RGS3: variants seen among roughly 807,000 people sequenced by gnomAD.
The protein encoded by RGS3 is regulator of G-protein signalling 3.
A neutral mutation model predicts 132.6 loss-of-function variants in RGS3; 80 were observed. That is an observed-to-expected ratio of 0.60 (90% CI 0.50 to 0.73). The LOEUF (loss-of-function observed/expected upper bound fraction) is 0.73. Ranked by LOEUF, RGS3 falls within the 30% of genes least tolerant of loss-of-function variation. The pLI is 0.00. For synonymous variants in RGS3, 598 were observed against 620.6 expected, an observed-to-expected ratio of 0.96 and a Z score of 0.54; for missense variants, 1,382 against 1,530.8, an observed-to-expected ratio of 0.90 and a Z score of 1.62.
intron 18 of RGS3, 144 bp from the exon 17 acceptor site, chr9:113,536,652 A>T (rs370915914): frequency 1.3e-6 from 2 of 1,489,112 alleles, no homozygotes; most frequent in Non-Finnish European, 8.9e-7. Flanking sequence ...ACTGGGGATT[A>T]GTGTGCATTT....
exon 20 of RGS3, chr9:113,583,818 C>T (rs2118980224): frequency 1.2e-6 from 2 of 1,614,064 alleles, no homozygotes; most frequent in Non-Finnish European, 1.7e-6. Flanking sequence ...ACCTCCCTGC[C>T]ATCCAGGAAT....
rs1342710952 is a variant in RGS3, at chr9:113,507,189, C to G, written c.1086-98C>G. 5.1e-6 allele frequency: 5 copies of G among 974,340 alleles called. No homozygotes were observed. The highest frequency in any genetic ancestry group is 7.6e-6 in the Non-Finnish European group (5 of 657,510). 60.4% of individuals were successfully genotyped at this position (974,340 alleles called of 1,614,324 possible). The stretch of plus-strand genomic sequence containing the variant: ...GGGCTTCCCCTCTGGTGTCTGCCTC[C>G]TCTTCCCCCATTATCCTCTCTGCCC... On this transcript the variant is annotated intron_variant, in intron 12 of 24. Coordinates refer to ENST00000350696, the Ensembl canonical transcript of RGS3. The surrounding 1 kb of genome is among the most constrained non-coding windows in gnomAD (Gnocchi z 5.0).
chr9:113,508,558 C>T, exon 14 of RGS3: 1 of 1,612,572 alleles, frequency 6.2e-7, no homozygotes, highest in South Asian at 1.1e-5. Context: ...GGCCTGTGTA[C>T]CAGGAGGATA....
chr9:113,468,147 TTACCTG>T (rs1174419309), intron 3 of RGS3, among the ~76,000 whole-genome samples: 3 of 152,272 alleles, frequency 2.0e-5, no homozygotes, highest in Non-Finnish European at 4.4e-5. Flanking sequence ...ACCAAGAGAT[TTACCTG>T]TATGTTTTCT....
chr9:113,536,668 T>G, intron 18 of RGS3, 128 bp from the exon 17 acceptor site: 2 of 1,501,484 alleles, frequency 1.3e-6, no homozygotes. Flanking sequence ...CATTTGCGGC[T>G]TTTGGCGGAC....
At chr9:113,536,239 G>T (rs750494231) in intron 18 of RGS3, among the ~76,000 whole-genome samples, 3 of 152,202 alleles carry the variant, frequency 2.0e-5, no homozygotes, top group African/African-American at 7.2e-5. Flanking sequence ...GGGCTGCAGA[G>T]GGCCACATGA....
intron 21 of RGS3, chr9:113,593,686 G>T: frequency 1.8e-6 from 1 of 561,434 alleles, no homozygotes; most frequent in Non-Finnish European, 3.2e-6. Flanking sequence ...GGGGGTCTAG[G>T]GAAAAGAGGG....
At chr9:113,563,429 G>T (rs1156378413) in intron 19 of RGS3, among the ~76,000 whole-genome samples, 2 of 152,180 alleles carry the variant, frequency 1.3e-5, no homozygotes, top group Non-Finnish European at 2.9e-5. Flanking sequence ...CCTCTGACGT[G>T]AAGGAATCCT....
chr9:113,577,772 G>C (rs928269588), intron 19 of RGS3, among the ~76,000 whole-genome samples: 10 of 152,172 alleles, frequency 6.6e-5, no homozygotes, highest in African/African-American at 2.4e-4. Flanking sequence ...CCACAGGGCG[G>C]CCTTCCCAAC....
chr9:113,578,355 A>C (rs1834631790), intron 19 of RGS3, among the ~76,000 whole-genome samples: 1 of 152,218 alleles, frequency 6.6e-6, no homozygotes, highest in Admixed American at 6.5e-5. Context: ...CAACATTGTG[A>C]GGAGATTCTA....
chr9:113,578,864 C>T (rs1329260669), intron 19 of RGS3, among the ~76,000 whole-genome samples: 1 of 152,118 alleles, frequency 6.6e-6, no homozygotes, highest in Non-Finnish European at 1.5e-5. Context: ...CACTTGGTCC[C>T]CTTAGGTCTC....
At chr9:113,485,789 C>G in intron 7 of RGS3, 96 bp downstream of exon 5, 1 of 831,594 alleles carries the variant, frequency 1.2e-6, no homozygotes, top group South Asian at 1.5e-5. Flanking sequence ...TTAGTGCTTT[C>G]TGGATAAATG....
rs911760991 is a variant in RGS3 at position 113,543,106 on chromosome 9, C to G, written c.2037+6188C>G. Among the ~76,000 whole-genome samples the G allele has an allele frequency of 3.9e-5, 6 of 152,200 alleles. No homozygotes were observed. The East Asian group carries it at 1.2e-3, about 29-fold the overall frequency. ...CCCAAGGCTGCAGGTCTGAGGGACA[C>G]GGCTCATGGGCAAAAGGGTATCAAG... On this transcript the variant is annotated intron_variant, in intron 19 of 24. Coordinates refer to ENST00000350696, the Ensembl canonical transcript of RGS3.
At chr9:113,461,068 G>GCATCC (rs1829460160) in intron 1 of RGS3, among the ~76,000 whole-genome samples, 1 of 152,132 alleles carries the variant, frequency 6.6e-6, no homozygotes, top group African/African-American at 2.4e-5. Flanking sequence ...GTTTGTATAT[G>GCATCC]TATGTGAGGT....
At chr9:113,448,202 A>G (rs1829156739) in intron 1 of RGS3, among the ~76,000 whole-genome samples, 1 of 151,558 alleles carries the variant, frequency 6.6e-6, no homozygotes, top group Non-Finnish European at 1.5e-5. Flanking sequence ...CCATCTTTCC[A>G]CCATGTGAAT....
chr9:113,471,345 G>A (rs1432627545), intron 3 of RGS3, among the ~76,000 whole-genome samples: 1 of 151,986 alleles, frequency 6.6e-6, no homozygotes, highest in Non-Finnish European at 1.5e-5. Flanking sequence ...CAGCCCTCTG[G>A]AATTTGAAAA....
At chr9:113,526,856 G>A (rs1832235376) in intron 17 of RGS3, among the ~76,000 whole-genome samples, 1 of 152,202 alleles carries the variant, frequency 6.6e-6, no homozygotes, top group African/African-American at 2.4e-5. Flanking sequence ...GGAAAACCCA[G>A]ATGCGTGCTG....
In RGS3 at chr9:113,505,728, A is replaced by G. The variant is rs186228271; in HGVS notation, c.979+205A>G. ...CCACTTTTTTTTTGTTGTTTTTATC[A>G]AAATGAAAATAGGTTTTTATATTTT... On this transcript the variant is annotated intron_variant, in intron 11 of 24. Coordinates refer to ENST00000350696, the Ensembl canonical transcript of RGS3. Among the ~76,000 whole-genome samples the G allele has an allele frequency of 2.6e-5, 4 of 152,340 alleles. No individual in the cohort carries two copies. The East Asian group carries it at 7.7e-4, about 29-fold the overall frequency.
At chr9:113,557,162 A>T (rs1833601919) in intron 19 of RGS3, among the ~76,000 whole-genome samples, 1 of 152,270 alleles carries the variant, frequency 6.6e-6, no homozygotes, top group Non-Finnish European at 1.5e-5. Flanking sequence ...CCCAGCTTCC[A>T]GGAGTAAATG....
Sources: gnomAD v4.1 joint callset for allele counts (sites outside exome capture counted in the v4.1 genomes callset) on GRCh38, gnomAD v4.1.1 for gene constraint, Gnocchi (gnomAD v3.1) non-coding constraint, MANE v1.5 for transcripts, NCBI Gene and HGNC (gene_info 2026-07-23, HGNC 2026-07-21) for gene names.